PLD1: variants seen among roughly 807,000 people sequenced by gnomAD.
PLD1 encodes the protein phospholipase D1, also known as choline phosphatase 1.
In PLD1, 112 loss-of-function variants were observed where a neutral mutation model predicts 137.1. The observed-to-expected ratio is 0.82, with a 90% CI of 0.70 to 0.96. The LOEUF (loss-of-function observed/expected upper bound fraction) is 0.96, where lower values mean the gene tolerates loss of function less well. Among genes scored for constraint, PLD1 ranks in the 40% least tolerant of loss-of-function variants. PLD1 has a pLI of 0.00. For missense variants in PLD1, 1,321 were observed against 1,342.0 expected, an observed-to-expected ratio of 0.98 and a Z score of 0.24; for synonymous variants, 431 against 454.7, an observed-to-expected ratio of 0.95 and a Z score of 0.66.
rs1429380621 is a variant in PLD1 at position 171,621,063 on chromosome 3, T to G, written c.2594-543A>C. ...AAGCATCAGTTAAATTCTGCAGACT[T>G]TGGGTAAATAAAAATGTTGGCAATG... On this transcript the variant is annotated intron_variant, in intron 23 of 26. Coordinates refer to ENST00000351298, the MANE Select transcript of PLD1 (RefSeq NM_002662.5). 2.6e-5 allele frequency among the ~76,000 whole-genome samples: 4 copies of G among 152,076 alleles called. No individual in the cohort carries two copies. In the East Asian group the frequency reaches 7.7e-4, roughly 29 times the overall value.
chr3:171,731,578 G>A (rs916140656), intron 6 of PLD1, among the ~76,000 whole-genome samples: 1 of 151,982 alleles, frequency 6.6e-6, no homozygotes, highest in Non-Finnish European at 1.5e-5. Context: ...TCAAGGGATC[G>A]AAATCATCCT....
intron 1 of PLD1, among the ~76,000 whole-genome samples, chr3:171,749,585 T>C (rs749307425): frequency 1.1e-4 from 17 of 152,346 alleles, no homozygotes; most frequent in Non-Finnish European, 2.2e-4. Context: ...AATATATATA[T>C]GAAACTGCAA....
intron 1 of PLD1, among the ~76,000 whole-genome samples, chr3:171,795,574 A>G (rs1428619661): frequency 6.6e-6 from 1 of 152,132 alleles, no homozygotes; most frequent in Non-Finnish European, 1.5e-5. Context: ...ACCACCTATC[A>G]TCATAGGGTG....
chr3:171,608,597 G>C (rs987111330), intron 25 of PLD1, among the ~76,000 whole-genome samples: 1 of 152,180 alleles, frequency 6.6e-6, no homozygotes, highest in Admixed American at 6.5e-5. Context: ...GCATAACAGA[G>C]AGACTAGCGA....
At chr3:171,798,281 T>C (rs1042451115) in intron 1 of PLD1, among the ~76,000 whole-genome samples, 2 of 152,202 alleles carry the variant, frequency 1.3e-5, no homozygotes, top group African/African-American at 4.8e-5. Context: ...GAGCAAAGGG[T>C]CTAGAGACCT....
chr3:171,724,071 T>G (rs1211910370), intron 8 of PLD1, among the ~76,000 whole-genome samples: 1 of 152,252 alleles, frequency 6.6e-6, no homozygotes, highest in East Asian at 1.9e-4. Flanking sequence ...CTTGTAAGGC[T>G]ATTATCCATA....
intron 23 of PLD1, among the ~76,000 whole-genome samples, chr3:171,627,337 C>T (rs892818254): frequency 1.3e-5 from 2 of 152,108 alleles, no homozygotes; most frequent in African/African-American, 4.8e-5. Flanking sequence ...GCACCCAATA[C>T]AGGAGCACCC....
intron 10 of PLD1, 126 bp from the exon 11 acceptor site, chr3:171,708,964 C>A: frequency 1.6e-6 from 1 of 613,218 alleles, no homozygotes; most frequent in Non-Finnish European, 2.9e-6. Context: ...CCACCATTGA[C>A]TTTGTGGACC....
At chr3:171,676,937 A>G in intron 17 of PLD1, 104 bp from the exon 18 acceptor site, 1 of 681,224 alleles carries the variant, frequency 1.5e-6, no homozygotes, top group Non-Finnish European at 2.6e-6. Context: ...GTTAGTGCCC[A>G]CTAGGTATAT....
intron 10 of PLD1, among the ~76,000 whole-genome samples, chr3:171,709,142 C>T (rs1716943448): frequency 6.6e-6 from 1 of 152,186 alleles, no homozygotes; most frequent in Non-Finnish European, 1.5e-5. Flanking sequence ...TACAGTTTTT[C>T]TTACATACAG....
At chr3:171,604,639 A>T (rs984572097) in intron 26 of PLD1, among the ~76,000 whole-genome samples, 1 of 152,200 alleles carries the variant, frequency 6.6e-6, no homozygotes, top group Non-Finnish European at 1.5e-5. Context: ...TACATTCTTT[A>T]TTATAACCAA....
chr3:171,737,195 T>C (rs1421765899), intron 3 of PLD1, among the ~76,000 whole-genome samples: 1 of 152,194 alleles, frequency 6.6e-6, no homozygotes, highest in Admixed American at 6.5e-5. Context: ...GTGGAATAAA[T>C]ATGCATCAAG....
At chr3:171,744,012 A>G (rs1416392915) in intron 1 of PLD1, among the ~76,000 whole-genome samples, 3 of 152,334 alleles carry the variant, frequency 2.0e-5, no homozygotes, top group Non-Finnish European at 4.4e-5. Context: ...CAGATGTAGA[A>G]GCCTTCTGGT....
intron 1 of PLD1, among the ~76,000 whole-genome samples, chr3:171,800,968 A>G (rs1319433098): frequency 1.3e-5 from 2 of 152,248 alleles, no homozygotes; most frequent in East Asian, 1.9e-4. Context: ...GAGGATTTCA[A>G]CATATGAATT....
intron 16 of PLD1, among the ~76,000 whole-genome samples, chr3:171,679,318 G>A (rs1713714851): frequency 6.6e-6 from 1 of 152,194 alleles, no homozygotes; most frequent in African/African-American, 2.4e-5. Flanking sequence ...AAATGCCATA[G>A]ATTAGCAAAA....
rs146873654 is a variant in PLD1 at position 171,691,819 on chromosome 3, G to A, written c.1338+513C>T. Among the ~76,000 whole-genome samples the A allele has an allele frequency of 9.3e-5, 14 of 150,830 alleles. No homozygotes were observed. In the East Asian group the frequency reaches 2.7e-3, roughly 29 times the overall value. On this transcript the variant is annotated intron_variant, in intron 13 of 26. Coordinates refer to ENST00000351298, the MANE Select transcript of PLD1 (RefSeq NM_002662.5). ...TATGTCTTGATGTACCTCAATGACT[G>A]GGTTATATTTATTGATAGGTTTTAG...
intron 16 of PLD1, among the ~76,000 whole-genome samples, chr3:171,682,997 C>A (rs1714166565): frequency 1.3e-5 from 2 of 152,204 alleles, no homozygotes; most frequent in Admixed American, 6.5e-5. Context: ...CCTCACGCTC[C>A]ATCTTCCTAA....
Position 171,770,504 on chromosome 3 carries a change from G to A in PLD1, c.-31-32422C>T, listed in dbSNP as rs111464459. ...GGGGCCCAACACTCCACTACTTAAC[G>A]TTTCAAAAAATAAAATCAACTGTGT... On this transcript the variant is annotated intron_variant, in intron 1 of 26. Coordinates refer to ENST00000351298, the MANE Select transcript of PLD1 (RefSeq NM_002662.5). 7.8e-3 allele frequency among the ~76,000 whole-genome samples: 1,192 copies of A among 152,138 alleles called. 9 individuals carry two copies. The highest frequency in any genetic ancestry group is 0.022 in the African/African-American group (923 of 41,500).
chr3:171,645,939 C>T (rs991971424), intron 21 of PLD1, among the ~76,000 whole-genome samples: 1 of 150,454 alleles, frequency 6.6e-6, no homozygotes, highest in Non-Finnish European at 1.5e-5. Context: ...ATATTTAAGT[C>T]CCCTGCACAT....
Sources: gnomAD v4.1 joint callset for allele counts (sites outside exome capture counted in the v4.1 genomes callset) on GRCh38, gnomAD v4.1.1 for gene constraint, MANE v1.5 for transcripts, NCBI Gene and HGNC (gene_info 2026-07-23, HGNC 2026-07-21) for gene names.